The following CACHD1 variants were observed in gnomAD, a reference collection of about 807,000 sequenced individuals.
CACHD1 encodes the protein VWFA and cache domain-containing protein 1.
In CACHD1, 71 loss-of-function variants were observed where a neutral mutation model predicts 138.7. The observed-to-expected ratio is 0.51, with a 90% CI of 0.42 to 0.62. The LOEUF is 0.62. CACHD1 is among the 20% of genes least tolerant of loss of function. The pLI is 0.00. For synonymous variants in CACHD1, 578 were observed against 591.5 expected (o/e 0.98, Z 0.33); for missense variants, 1,389 against 1,625.3 (o/e 0.85, Z 2.50).
At chr1:64,530,930 T>G (rs1233968252) in intron 1 of CACHD1, among the ~76,000 whole-genome samples, 1 of 62,630 alleles carries the variant, frequency 1.6e-5, no homozygotes, top group African/African-American at 4.0e-5. Flanking sequence ...CGTGTTTTTT[T>G]TTGTTTTTTT....
At chr1:64,478,718 A>G (rs1470626800) in intron 1 of CACHD1, among the ~76,000 whole-genome samples, 2 of 152,176 alleles carry the variant, frequency 1.3e-5, no homozygotes, top group African/African-American at 2.4e-5. Context: ...CAGGGTTGCT[A>G]TATCGAATTC....
In CACHD1 at chr1:64,678,292, G is replaced by A; in HGVS notation, c.3226G>A (p.Asp1076Asn). 6.3e-7 allele frequency: 1 copy of A among 1,585,048 alleles called. No individual in the cohort carries two copies. Among genetic ancestry groups the A allele is most frequent in the Non-Finnish European group, 8.5e-7 (1 of 1,169,956 alleles). The change falls in exon 23 of 27, where the codon GAT (aspartate) becomes AAT (asparagine). Residue 1076 changes from aspartate to asparagine, a missense_variant. Asp to Asn is a conservative substitution (Grantham distance 23). Coordinates refer to ENST00000651257, the MANE Select transcript of CACHD1 (RefSeq NM_020925.4). ...GIVGAKSPYV[D>N]DMGAIGDEVI... is the part of the protein sequence containing the mutation. Reference sequence around the variant, plus strand: ...TGTGGGAGCCAAAAGTCCCTACGTTGATGACATGGGAGCAATAGGTATGTT... The same window carrying A: ...TGTGGGAGCCAAAAGTCCCTACGTTAATGACATGGGAGCAATAGGTATGTT...
At chr1:64,575,460 T>C (rs1186622799) in intron 2 of CACHD1, among the ~76,000 whole-genome samples, 1 of 152,230 alleles carries the variant, frequency 6.6e-6, no homozygotes, top group African/African-American at 2.4e-5. Flanking sequence ...AAATTATTTT[T>C]ATGTCACATA....
Position 64,532,260 on chromosome 1 carries a change from G to T in CACHD1, c.199-18334G>T, listed in dbSNP as rs1255679989. On this transcript the variant is annotated intron_variant, in intron 1 of 26. Transcript: ENST00000651257. ...TGACTCATAGCAGATGTACAACTTG[G>T]GCCCTTCTTGTGAATTAATTAATTG... Among the ~76,000 whole-genome samples, 6 of 152,146 alleles carry T rather than the reference G, an allele frequency of 3.9e-5. No homozygotes were observed. The East Asian group carries it at 1.2e-3, about 29-fold the overall frequency.
chr1:64,566,571 C>T (rs1646884451), intron 2 of CACHD1, among the ~76,000 whole-genome samples: 1 of 149,834 alleles, frequency 6.7e-6, no homozygotes, highest in Non-Finnish European at 1.5e-5. Flanking sequence ...CTTCCCCTAG[C>T]AATTCCTCTT....
chr1:64,634,037 CCTGCAGA>C lies in CACHD1; in HGVS notation c.790-6_790del. 1 of 1,387,544 alleles carries C rather than the reference CCTGCAGA, an allele frequency of 7.2e-7. No individual in the cohort carries two copies. The highest frequency in any genetic ancestry group is 2.3e-5 in the Admixed American group (1 of 43,016). 86.0% of individuals were successfully genotyped at this position (1,387,544 alleles called of 1,614,324 possible). A position where few individuals can be genotyped will look rare whatever the true frequency, so the allele number is the denominator to read the frequency against. ...TTGGTGGTTTTTTTTTTTTTTCTTTCCTGCAGATTTCTGTGTTAACTGTGGCAGATAC... is the reference window on the plus strand; with the variant it reads ...TTGGTGGTTTTTTTTTTTTTTCTTTCTTTCTGTGTTAACTGTGGCAGATAC... On this transcript the variant is annotated splice_acceptor_variant and splice_polypyrimidine_tract_variant and coding_sequence_variant and intron_variant, in exon 7 of 27. Transcript: ENST00000651257. LOFTEE classifies it high-confidence loss of function.
At chr1:64,510,451 A>G (rs1419758308) in intron 1 of CACHD1, among the ~76,000 whole-genome samples, 1 of 152,162 alleles carries the variant, frequency 6.6e-6, no homozygotes, top group East Asian at 1.9e-4. Flanking sequence ...GAAATGGGAC[A>G]GTCAATAATT....
Position 64,634,164 on chromosome 1 carries a change from G to A in CACHD1, c.910G>A (p.Val304Met), listed in dbSNP as rs767389262. The change falls in exon 7 of 27, where the codon GTG becomes ATG. Residue 304 changes from valine to methionine, a missense_variant. Physicochemically the swap from Val to Met is conservative, Grantham distance 21. This residue lies in a region of CACHD1 where 1,000 missense variants were observed against 1,114.7 expected (regional missense o/e 0.90). Coordinates refer to ENST00000651257, the MANE Select transcript of CACHD1 (RefSeq NM_020925.4). ...KRKMSTFVSS[V>M]KSSDSPTQHA... ...GAAAATGTCCACCTTTGTTAGCAGC[G>A]TGAAGTCTTCAGACAGTCCTACCCA... 2.2e-5 allele frequency: 35 copies of A among 1,613,834 alleles called. No individual in the cohort carries two copies. Among genetic ancestry groups the A allele is most frequent in the Middle Eastern group, 1.6e-4 (1 of 6,062 alleles).
At position 64,647,878 on chromosome 1, in the gene CACHD1, G is replaced by A; in HGVS notation, c.1234G>A (p.Asp412Asn). 6.2e-7 allele frequency: 1 copy of A among 1,614,144 alleles called. No individual in the cohort carries two copies. The highest frequency in any genetic ancestry group is 8.5e-7 in the Non-Finnish European group (1 of 1,180,020). The change falls in exon 9 of 27, where the codon GAC becomes AAC. Residue 412 changes from aspartate (D) to asparagine (N), a missense_variant. Coordinates refer to ENST00000651257, the MANE Select transcript of CACHD1 (RefSeq NM_020925.4). ...EQNSGKYGVP[D>N]RMALPVIKGS... ...GAATTCAGGGAAGTACGGTGTGCCA[G>A]ACCGGATGGCCTTGCCTGTGATTAA...
rs775081806 is a variant in CACHD1, at chr1:64,675,948, T to C, written c.2940T>C (p.Asn980=). The part of the protein sequence containing the change: ...ECPCECPLEV[N]ECTGNLTNAE... ...CTTGTGAGTGCCCTCTAGAGGTCAATGAGTGCACTGGCAACCTCACCAATG... is the reference window on the plus strand; with the variant it reads ...CTTGTGAGTGCCCTCTAGAGGTCAACGAGTGCACTGGCAACCTCACCAATG... The change falls in exon 21 of 27, where the codon AAT becomes AAC. Residue 980 remains asparagine, a synonymous_variant. Coordinates refer to ENST00000651257, the MANE Select transcript of CACHD1 (RefSeq NM_020925.4). 13 of 1,508,948 alleles carry C rather than the reference T, an allele frequency of 8.6e-6. No homozygotes were observed. Among genetic ancestry groups the C allele is most frequent in the Admixed American group, 2.0e-5 (1 of 50,704 alleles). The allele number at this position is 1,508,948 out of a possible 1,614,324, so 93.5% of individuals were successfully genotyped here. A position where few individuals can be genotyped will look rare whatever the true frequency, so the allele number is the denominator to read the frequency against.
At chr1:64,659,526 C>T (rs1649375544) in intron 13 of CACHD1, among the ~76,000 whole-genome samples, 1 of 152,204 alleles carries the variant, frequency 6.6e-6, no homozygotes, top group African/African-American at 2.4e-5. Flanking sequence ...AAGGAATTTA[C>T]ATTTATTACG....
In CACHD1 at chr1:64,676,398, A is replaced by G. The variant is rs116298191; in HGVS notation, c.2975+415A>G. Among the ~76,000 whole-genome samples, 1,349 of 152,312 alleles carry G rather than the reference A, an allele frequency of 8.9e-3. 25 individuals are homozygous for G. Among genetic ancestry groups the G allele is most frequent in the African/African-American group, 0.031 (1,271 of 41,568 alleles). On this transcript the variant is annotated intron_variant, in intron 21 of 26. Transcript: ENST00000651257. The stretch of plus-strand genomic sequence containing the variant: ...ATTATTTATATCAGTGACAGATTTT[A>G]ACACCAGGAAAATAAATTGTAATAA...
chr1:64,666,041 C>G lies in CACHD1; in HGVS notation c.2277-16C>G, dbSNP rs1261135352. 7.3e-7 allele frequency: 1 copy of G among 1,377,558 alleles called. No homozygotes were observed. The highest frequency in any genetic ancestry group is 1.0e-6 in the Non-Finnish European group (1 of 987,860). 85.3% of individuals were successfully genotyped at this position (1,377,558 alleles called of 1,614,324 possible). ...ATAAAAAATAAAATAACATGACTTT[C>G]TTTGGTCTCCATTAGGTATCTCCAT... On this transcript the variant is annotated splice_polypyrimidine_tract_variant and intron_variant, in intron 15 of 26. Coordinates refer to ENST00000651257, the MANE Select transcript of CACHD1 (RefSeq NM_020925.4).
chr1:64,643,959 T>C (rs1648821767), intron 8 of CACHD1, among the ~76,000 whole-genome samples: 1 of 152,254 alleles, frequency 6.6e-6, no homozygotes, highest in Non-Finnish European at 1.5e-5. Context: ...GTCCTCTTTG[T>C]CCCCTGGCAC....
At chr1:64,587,354 T>G (rs1647058274) in intron 3 of CACHD1, among the ~76,000 whole-genome samples, 1 of 152,220 alleles carries the variant, frequency 6.6e-6, no homozygotes, top group Non-Finnish European at 1.5e-5. Flanking sequence ...TTTTTAAAAA[T>G]AAAATGCCTA....
intron 4 of CACHD1, among the ~76,000 whole-genome samples, chr1:64,620,225 A>C (rs1557522767): frequency 6.6e-6 from 1 of 152,164 alleles, no homozygotes. Flanking sequence ...TTGTTAATAT[A>C]AAATAGAGAC....
intron 3 of CACHD1, among the ~76,000 whole-genome samples, chr1:64,590,519 T>G (rs1381249058): frequency 6.6e-6 from 1 of 152,134 alleles, no homozygotes; most frequent in Non-Finnish European, 1.5e-5. Flanking sequence ...AGAGGTAACT[T>G]ACTCAGAGGG....
rs564653087 is a variant in CACHD1 at position 64,677,141 on chromosome 1, T to G, written c.3092+130T>G. On this transcript the variant is annotated intron_variant, in intron 22 of 26. Transcript: ENST00000651257. ...TTCCATAAGCCTTTACCCACCAGAT[T>G]AAATGTTGTCTCGTTCCCACTTATT... 1.6e-5 allele frequency: 11 copies of G among 705,586 alleles called. No individual in the cohort carries two copies. In the South Asian group the frequency reaches 2.0e-4, roughly 13 times the overall value. 43.7% of individuals were successfully genotyped at this position (705,586 alleles called of 1,614,324 possible).
intron 3 of CACHD1, among the ~76,000 whole-genome samples, chr1:64,592,148 G>A (rs1647111407): frequency 6.6e-6 from 1 of 152,180 alleles, no homozygotes; most frequent in Non-Finnish European, 1.5e-5. Context: ...TACAAGCTCT[G>A]ATGTGAAACA....
Sources: allele counts gnomAD v4.1 joint callset (sites outside exome capture counted in the v4.1 genomes callset), GRCh38; gene constraint gnomAD v4.1.1; regional missense constraint gnomAD v4.1.1; transcripts MANE v1.5; gene names NCBI Gene and HGNC (gene_info 2026-07-23, HGNC 2026-07-21).